The following FCHSD2 variants were observed in gnomAD, a reference collection of about 807,000 sequenced individuals.
The protein encoded by FCHSD2 is FCH and double SH3 domains 2, also known as F-BAR and double SH3 domains protein 2.
A neutral mutation model predicts 108.1 loss-of-function variants in FCHSD2; 38 were observed. The observed-to-expected ratio is 0.35, with a 90% CI of 0.27 to 0.46. The LOEUF is 0.46. FCHSD2 is among the 20% of genes least tolerant of loss of function. The probability of loss-of-function intolerance (pLI) is 1.00; values close to 1 mark genes in which losing one functional copy is unlikely to be tolerated. For missense variants in FCHSD2, 751 were observed against 897.8 expected, an observed-to-expected ratio of 0.84 and a Z score of 2.09; for synonymous variants, 279 against 314.7, an observed-to-expected ratio of 0.89 and a Z score of 1.20.
chr11:73,057,778 A>T (rs1396174719), intron 3 of FCHSD2, among the ~76,000 whole-genome samples: 1 of 151,956 alleles, frequency 6.6e-6, no homozygotes, highest in Non-Finnish European at 1.5e-5. Flanking sequence ...CAAACAATGT[A>T]TTGCGCCCCA....
intron 3 of FCHSD2, among the ~76,000 whole-genome samples, chr11:73,043,781 G>A (rs1174012160): frequency 2.0e-5 from 3 of 152,066 alleles, no homozygotes; most frequent in East Asian, 3.8e-4. Context: ...TAACCTCCAC[G>A]TACCATCTTT....
At chr11:72,984,329 C>G in intron 7 of FCHSD2, 113 bp from the exon 8 acceptor site, 1 of 898,600 alleles carries the variant, frequency 1.1e-6, no homozygotes, top group Non-Finnish European at 1.8e-6. Flanking sequence ...ATAAAGGTAA[C>G]CACGTGCGGA....
At chr11:72,994,669 G>A (rs974491917) in intron 5 of FCHSD2, among the ~76,000 whole-genome samples, 5 of 152,202 alleles carry the variant, frequency 3.3e-5, no homozygotes, top group African/African-American at 7.2e-5. Flanking sequence ...GGGAGGCTGA[G>A]GCAGGAGAAT....
chr11:72,911,966 T>A (rs1361183990), intron 9 of FCHSD2, among the ~76,000 whole-genome samples: 1 of 152,244 alleles, frequency 6.6e-6, no homozygotes, highest in Admixed American at 6.5e-5. Context: ...ACTGTTCACA[T>A]ATAGAAATGC....
intron 19 of FCHSD2, 78 bp from the exon 20 acceptor site, chr11:72,838,952 C>G: frequency 7.4e-7 from 1 of 1,359,178 alleles, no homozygotes; most frequent in Non-Finnish European, 1.0e-6. Flanking sequence ...CCTAATCACT[C>G]ATCTGTCCAA....
intron 3 of FCHSD2, among the ~76,000 whole-genome samples, chr11:73,047,046 A>G (rs951257768): frequency 6.6e-6 from 1 of 152,190 alleles, no homozygotes; most frequent in Admixed American, 6.5e-5. Flanking sequence ...ATGATAAAAA[A>G]TACTATTAAA....
At position 73,001,111 on chromosome 11, in the gene FCHSD2, GATT is replaced by G; in HGVS notation, c.263_265del (p.Lys88_Ser89delinsThr). 1 of 1,613,076 alleles carries G rather than the reference GATT, an allele frequency of 6.2e-7. No individual in the cohort carries two copies. Among genetic ancestry groups the G allele is most frequent in the Non-Finnish European group, 8.5e-7 (1 of 1,179,620 alleles). ...TACCTGCATTGTTCCCTCGAGAAAA[GATT>G]TCCAAACGGGATACATGCTCCTAAA... On this transcript the variant is annotated inframe_deletion, in exon 5 of 20. Coordinates refer to ENST00000409418, the MANE Select transcript of FCHSD2 (RefSeq NM_014824.3).
At chr11:72,977,489 A>G (rs1032445356) in intron 8 of FCHSD2, among the ~76,000 whole-genome samples, 6 of 151,216 alleles carry the variant, frequency 4.0e-5, no homozygotes, top group African/African-American at 9.7e-5. Context: ...ACTCTATAGG[A>G]AAAAAAAATC....
intron 3 of FCHSD2, among the ~76,000 whole-genome samples, chr11:73,038,179 A>T (rs1480834635): frequency 1.3e-5 from 2 of 152,088 alleles, no homozygotes; most frequent in African/African-American, 2.4e-5. Context: ...TGTCTCTATT[A>T]AAAAATTTAA....
rs1032285126 is a variant in FCHSD2 at position 72,912,980 on chromosome 11, C to T, written c.828+8848G>A. ...CAGGAAGCATGGCTGGGGAGGCTTCCGGACACTTACAATCATGGCAGAAGG... is the reference window on the plus strand; with the variant it reads ...CAGGAAGCATGGCTGGGGAGGCTTCTGGACACTTACAATCATGGCAGAAGG... On this transcript the variant is annotated intron_variant, in intron 9 of 19. Transcript: ENST00000409418. Among the ~76,000 whole-genome samples the T allele has an allele frequency of 5.9e-5, 9 of 152,038 alleles. No homozygotes were observed. In the East Asian group the frequency reaches 7.7e-4, roughly 13 times the overall value.
intron 12 of FCHSD2, among the ~76,000 whole-genome samples, chr11:72,882,725 G>A (rs1460872835): frequency 6.6e-6 from 1 of 152,136 alleles, no homozygotes; most frequent in Non-Finnish European, 1.5e-5. Flanking sequence ...TAAATAAATA[G>A]AGAGACACAT....
chr11:72,850,148 C>T (rs1297923175), intron 13 of FCHSD2, among the ~76,000 whole-genome samples: 1 of 150,892 alleles, frequency 6.6e-6, no homozygotes, highest in Non-Finnish European at 1.5e-5. Flanking sequence ...ACTGCAACCT[C>T]GGCCTCCCAG....
intron 12 of FCHSD2, among the ~76,000 whole-genome samples, chr11:72,873,327 T>A (rs1261796102): frequency 4.8e-5 from 7 of 145,434 alleles, no homozygotes; most frequent in African/African-American, 1.5e-4. Flanking sequence ...AGACTCTGTT[T>A]CAAAAAAAAA....
chr11:73,007,214 A>G (rs976986947), intron 4 of FCHSD2, among the ~76,000 whole-genome samples: 3 of 152,210 alleles, frequency 2.0e-5, no homozygotes, highest in African/African-American at 7.2e-5. Context: ...AAAATACAAA[A>G]CCATTCATCC....
chr11:72,939,407 A>T (rs1357702171), intron 8 of FCHSD2, among the ~76,000 whole-genome samples: 1 of 152,162 alleles, frequency 6.6e-6, no homozygotes, highest in East Asian at 1.9e-4. Flanking sequence ...AACAAAAATT[A>T]AGTTTCAACT....
chr11:73,042,039 G>A (rs1228417152), intron 3 of FCHSD2, among the ~76,000 whole-genome samples: 2 of 152,126 alleles, frequency 1.3e-5, no homozygotes, highest in Non-Finnish European at 2.9e-5. Flanking sequence ...TGATTCTCCT[G>A]CCTTGACCTC....
chr11:73,068,813 T>TAAAAAAAAAAAAAAAAAA (rs1237723120), intron 3 of FCHSD2, among the ~76,000 whole-genome samples: 1 of 83,034 alleles, frequency 1.2e-5, no homozygotes, highest in African/African-American at 5.7e-5. Flanking sequence ...CTACAAAAAG[T>TAAAAAAAAAAAAAAAAAA]AAAAAAAAAA....
chr11:72,845,076 C>T (rs1206383269), intron 14 of FCHSD2, among the ~76,000 whole-genome samples: 3 of 152,096 alleles, frequency 2.0e-5, no homozygotes, highest in African/African-American at 7.2e-5. Context: ...ATGTATGTGA[C>T]AGCAAACCAG....
intron 8 of FCHSD2, among the ~76,000 whole-genome samples, chr11:72,932,315 T>A (rs2060071): frequency 1 from 151,947 of 152,286 alleles, 75,805 homozygotes; most frequent in Non-Finnish European, 1. Context: ...TCATTTCCAC[T>A]CTGCAGCTAG....
Sources: allele counts gnomAD v4.1 joint callset (sites outside exome capture counted in the v4.1 genomes callset), GRCh38; gene constraint gnomAD v4.1.1; transcripts MANE v1.5; gene names NCBI Gene and HGNC (gene_info 2026-07-23, HGNC 2026-07-21).